The following NT5DC1 variants were observed in gnomAD, a reference collection of about 807,000 sequenced individuals.
NT5DC1 encodes 5'-nucleotidase domain containing 1, also known as 5'-nucleotidase domain-containing protein 1.
NT5DC1 carries 42 observed loss-of-function variants against 59.4 expected under a neutral mutation model. The ratio of observed to expected loss-of-function variants is 0.71; its 90% CI spans 0.55 to 0.92. The LOEUF (loss-of-function observed/expected upper bound fraction) is 0.92. Ranked by LOEUF, NT5DC1 falls within the 40% of genes least tolerant of loss-of-function variation. NT5DC1 has a pLI of 0.00. For synonymous variants in NT5DC1, 172 were observed against 188.1 expected, an observed-to-expected ratio of 0.91 and a Z score of 0.70; for missense variants, 501 against 537.1, an observed-to-expected ratio of 0.93 and a Z score of 0.66.
intron 6 of NT5DC1, among the ~76,000 whole-genome samples, chr6:116,150,814 T>A (rs976689219): frequency 6.6e-6 from 1 of 152,244 alleles, no homozygotes; most frequent in African/African-American, 2.4e-5. Context: ...TGGAGTCTTA[T>A]ATATCTAGTG....
At chr6:116,115,830 TA>T (rs1213831042) in intron 5 of NT5DC1, 60 bp downstream of exon 5, 1 of 804,792 alleles carries the variant, frequency 1.2e-6, no homozygotes. Context: ...TTGGAGGACC[TA>T]ATTATATATT....
At chr6:116,213,111 A>G (rs1781612743) in intron 6 of NT5DC1, among the ~76,000 whole-genome samples, 1 of 152,100 alleles carries the variant, frequency 6.6e-6, no homozygotes, top group South Asian at 2.1e-4. Context: ...ATTGCTCCAT[A>G]GGATACCAAC....
chr6:116,144,769 G>A (rs112689811), intron 6 of NT5DC1, among the ~76,000 whole-genome samples: 36 of 152,294 alleles, frequency 2.4e-4, no homozygotes, highest in African/African-American at 8.7e-4. Flanking sequence ...ACCAGGAGTG[G>A]TGAGCCAATG....
At chr6:116,236,274 A>T (rs948745353) in intron 8 of NT5DC1, among the ~76,000 whole-genome samples, 2 of 152,216 alleles carry the variant, frequency 1.3e-5, no homozygotes, top group African/African-American at 4.8e-5. Context: ...TTCCTTAATC[A>T]TCATGCTGGT....
At chr6:116,181,671 G>A (rs1213481349) in intron 6 of NT5DC1, among the ~76,000 whole-genome samples, 1 of 151,882 alleles carries the variant, frequency 6.6e-6, no homozygotes, top group Non-Finnish European at 1.5e-5. Flanking sequence ...CTTACAAAAT[G>A]CAAGTACCTA....
rs530866161 is a variant in NT5DC1 at position 116,111,802 on chromosome 6, A to G, written c.364+846A>G. 3.3e-5 allele frequency among the ~76,000 whole-genome samples: 5 copies of G among 152,328 alleles called. No individual in the cohort carries two copies. The Middle Eastern group carries it at 0.01, about 311-fold the overall frequency. ...GTCAGGAAGTATGAGTGCTCTTGAT[A>G]AAATTAGTTGATAGGAGAAACTAAG... On this transcript the variant is annotated intron_variant, in intron 4 of 11. Transcript: ENST00000319550.
At chr6:116,237,677 C>A in intron 9 of NT5DC1, 11 of 327,152 alleles carry the variant, frequency 3.4e-5, no homozygotes, top group Non-Finnish European at 4.9e-5. Context: ...GACTCCATTG[C>A]CTCAGACTAC....
chr6:116,156,306 TA>T (rs969230860), intron 6 of NT5DC1, among the ~76,000 whole-genome samples: 8 of 152,112 alleles, frequency 5.3e-5, no homozygotes, highest in East Asian at 1.9e-4. Context: ...TTTTTGGAGT[TA>T]AAAAAAATTT....
At chr6:116,196,827 A>G (rs948338153) in intron 6 of NT5DC1, among the ~76,000 whole-genome samples, 4 of 151,844 alleles carry the variant, frequency 2.6e-5, no homozygotes, top group Admixed American at 6.6e-5. Flanking sequence ...ACACTCACAT[A>G]GTGCTTACCA....
chr6:116,202,605 G>C (rs1363950470), intron 6 of NT5DC1, among the ~76,000 whole-genome samples: 1 of 151,924 alleles, frequency 6.6e-6, no homozygotes, highest in East Asian at 1.9e-4. Flanking sequence ...GTGACACTAA[G>C]TTTAGATTGA....
At chr6:116,240,638 AAAT>A (rs1771694085) in intron 11 of NT5DC1, among the ~76,000 whole-genome samples, 1 of 152,236 alleles carries the variant, frequency 6.6e-6, no homozygotes, top group South Asian at 2.1e-4. Context: ...AATGAAGAAA[AAAT>A]AAATTCAGAG....
chr6:116,110,434 T>G (rs1379423786), intron 3 of NT5DC1, among the ~76,000 whole-genome samples: 1 of 152,214 alleles, frequency 6.6e-6, no homozygotes, highest in East Asian at 1.9e-4. Flanking sequence ...GTGCCTCCTA[T>G]GGGCCCGATG....
intron 2 of NT5DC1, among the ~76,000 whole-genome samples, chr6:116,107,956 A>G (rs1187389729): frequency 1.3e-5 from 2 of 152,040 alleles, no homozygotes; most frequent in Non-Finnish European, 2.9e-5. Flanking sequence ...GAGTGTAGGA[A>G]AGACTGGCTA....
chr6:116,191,421 G>GTCCC (rs1781115068), intron 6 of NT5DC1, among the ~76,000 whole-genome samples: 1 of 152,026 alleles, frequency 6.6e-6, no homozygotes, highest in African/African-American at 2.4e-5. Context: ...AGATTCACGG[G>GTCCC]AAAGAAGAGG....
At chr6:116,180,359 T>C (rs1390906449) in intron 6 of NT5DC1, among the ~76,000 whole-genome samples, 1 of 152,016 alleles carries the variant, frequency 6.6e-6, no homozygotes, top group Admixed American at 6.6e-5. Context: ...CAGTTTCTCT[T>C]TATAGAAGAA....
chr6:116,156,970 A>G (rs1389584644), intron 6 of NT5DC1, among the ~76,000 whole-genome samples: 1 of 151,944 alleles, frequency 6.6e-6, no homozygotes, highest in Non-Finnish European at 1.5e-5. Flanking sequence ...GGCCTGCTGC[A>G]TTTTCCTCAT....
At chr6:116,198,118 T>TAAC (rs2114504395) in intron 6 of NT5DC1, among the ~76,000 whole-genome samples, 1 of 152,198 alleles carries the variant, frequency 6.6e-6, no homozygotes, top group South Asian at 2.1e-4. Flanking sequence ...CCTGTCAAAG[T>TAAC]GCTGGGTGGT....
At chr6:116,189,616 A>G (rs1208588859) in intron 6 of NT5DC1, among the ~76,000 whole-genome samples, 2 of 152,136 alleles carry the variant, frequency 1.3e-5, no homozygotes, top group Middle Eastern at 3.4e-3. Flanking sequence ...ATAAAGTTCA[A>G]AAGTTTAAAC....
At chr6:116,121,146 C>G in intron 6 of NT5DC1, 1 of 1,613,330 alleles carries the variant, frequency 6.2e-7, no homozygotes. Flanking sequence ...GGCCCTTGTT[C>G]CCCTTTGGCA....
Sources: gnomAD v4.1 joint callset for allele counts (sites outside exome capture counted in the v4.1 genomes callset) on GRCh38, gnomAD v4.1.1 for gene constraint, MANE v1.5 for transcripts, NCBI Gene and HGNC (gene_info 2026-07-23, HGNC 2026-07-21) for gene names.